The following HHAT variants were observed in gnomAD, a reference collection of about 807,000 sequenced individuals.
HHAT encodes protein-cysteine N-palmitoyltransferase HHAT.
HHAT carries 47 observed loss-of-function variants against 70.8 expected under a neutral mutation model. The ratio of observed to expected loss-of-function variants is 0.66; its 90% confidence interval spans 0.53 to 0.85. The LOEUF is 0.85. HHAT is among the 40% of genes least tolerant of loss of function. HHAT has a pLI of 0.00. For missense variants in HHAT, 609 were observed against 604.8 expected, an observed-to-expected ratio of 1.01 and a Z score of -0.07; for synonymous variants, 228 against 247.6, an observed-to-expected ratio of 0.92 and a Z score of 0.74.
At chr1:210,436,481 G>GT (rs1224616933) in intron 7 of HHAT, among the ~76,000 whole-genome samples, 3 of 151,662 alleles carry the variant, frequency 2.0e-5, no homozygotes, top group African/African-American at 7.3e-5. Flanking sequence ...TTTTGGGATT[G>GT]TTTTTTCTAT....
chr1:210,399,494 T>C (rs1300245073), intron 4 of HHAT, among the ~76,000 whole-genome samples: 1 of 152,190 alleles, frequency 6.6e-6, no homozygotes. Context: ...CCTCAGGTGA[T>C]GCACCTGCCT....
intron 9 of HHAT, among the ~76,000 whole-genome samples, chr1:210,527,912 T>C (rs541850937): frequency 6.6e-6 from 1 of 152,362 alleles, no homozygotes; most frequent in South Asian, 2.1e-4. Context: ...CTCTGAGTTA[T>C]GTCAAGCAAA....
At chr1:210,406,556 C>CT (rs759241359) in intron 6 of HHAT, among the ~76,000 whole-genome samples, 1 of 152,038 alleles carries the variant, frequency 6.6e-6, no homozygotes, top group Non-Finnish European at 1.5e-5. Flanking sequence ...GCAAGTCCAG[C>CT]TAATTTTTTG....
At chr1:210,601,498 T>G (rs958477796) in intron 10 of HHAT, among the ~76,000 whole-genome samples, 2 of 152,190 alleles carry the variant, frequency 1.3e-5, no homozygotes, top group African/African-American at 4.8e-5. Flanking sequence ...ATAAGCCATT[T>G]TCTCCAGAAA....
At chr1:210,620,000 T>C (rs1335416547) in intron 10 of HHAT, among the ~76,000 whole-genome samples, 2 of 152,222 alleles carry the variant, frequency 1.3e-5, no homozygotes, top group Non-Finnish European at 2.9e-5. Flanking sequence ...AATTCTCTTG[T>C]CAAGGGAGTT....
intron 9 of HHAT, among the ~76,000 whole-genome samples, chr1:210,553,434 C>T (rs2095545027): frequency 6.6e-6 from 1 of 152,142 alleles, no homozygotes; most frequent in Non-Finnish European, 1.5e-5. Context: ...CTTTTAGGAT[C>T]ATGGGGAAGA....
At chr1:210,345,161 G>A (rs896244767) in intron 1 of HHAT, among the ~76,000 whole-genome samples, 10 of 152,138 alleles carry the variant, frequency 6.6e-5, no homozygotes, top group African/African-American at 2.4e-4. Flanking sequence ...GTGTGGGGGA[G>A]TGAGTATGAG....
chr1:210,354,122 C>T (rs2087347887), intron 2 of HHAT, among the ~76,000 whole-genome samples: 1 of 150,784 alleles, frequency 6.6e-6, no homozygotes, highest in Non-Finnish European at 1.5e-5. Context: ...GTTGAGTGCT[C>T]TTCAATCCAT....
At chr1:210,532,837 T>G (rs2095329064) in intron 9 of HHAT, among the ~76,000 whole-genome samples, 1 of 152,154 alleles carries the variant, frequency 6.6e-6, no homozygotes, top group Non-Finnish European at 1.5e-5. Context: ...GCACAAACCT[T>G]TGATAATTGT....
intron 9 of HHAT, among the ~76,000 whole-genome samples, chr1:210,535,472 A>G (rs1448174740): frequency 6.6e-6 from 1 of 151,074 alleles, no homozygotes; most frequent in Non-Finnish European, 1.5e-5. Flanking sequence ...AATAATATAA[A>G]TAATCTGTCT....
At chr1:210,463,981 A>G (rs987217715) in intron 7 of HHAT, among the ~76,000 whole-genome samples, 5 of 152,238 alleles carry the variant, frequency 3.3e-5, no homozygotes, top group Non-Finnish European at 5.9e-5. Context: ...ACAGGCATTC[A>G]GTGTGTAATA....
intron 9 of HHAT, among the ~76,000 whole-genome samples, chr1:210,522,088 G>T (rs2095167390): frequency 1.3e-5 from 2 of 152,204 alleles, no homozygotes; most frequent in Non-Finnish European, 2.9e-5. Context: ...CATAAAGGTT[G>T]ATTTCTGTTT....
chr1:210,528,455 G>A (rs904901971), intron 9 of HHAT, among the ~76,000 whole-genome samples: 3 of 152,206 alleles, frequency 2.0e-5, no homozygotes, highest in Non-Finnish European at 4.4e-5. Context: ...TCAGTTTTAG[G>A]TGCTAAGCAA....
chr1:210,418,819 G>A (rs1361584803), intron 7 of HHAT, among the ~76,000 whole-genome samples: 1 of 152,084 alleles, frequency 6.6e-6, no homozygotes, highest in Non-Finnish European at 1.5e-5. Flanking sequence ...GATCACTTGA[G>A]GTCAGGAGTT....
At chr1:210,471,840 G>T (rs1331094588) in intron 8 of HHAT, among the ~76,000 whole-genome samples, 1 of 151,960 alleles carries the variant, frequency 6.6e-6, no homozygotes, top group African/African-American at 2.4e-5. Flanking sequence ...GAAGTTTTTT[G>T]CAGATTTAAA....
At chr1:210,389,051 G>T (rs761205654) in intron 4 of HHAT, among the ~76,000 whole-genome samples, 2 of 152,042 alleles carry the variant, frequency 1.3e-5, no homozygotes, top group African/African-American at 2.4e-5. Flanking sequence ...TTCATTTATG[G>T]TCTTAGTGCA....
At chr1:210,619,234 T>C (rs1467944851) in intron 10 of HHAT, among the ~76,000 whole-genome samples, 1 of 152,068 alleles carries the variant, frequency 6.6e-6, no homozygotes, top group African/African-American at 2.4e-5. Context: ...GGACAACTGG[T>C]CACCCCTGCC....
chr1:210,504,144 A>G (rs752403856), intron 8 of HHAT, among the ~76,000 whole-genome samples: 1 of 152,252 alleles, frequency 6.6e-6, no homozygotes, highest in Non-Finnish European at 1.5e-5. Flanking sequence ...TGTTTCCAGA[A>G]TACTTACAAG....
intron 9 of HHAT, among the ~76,000 whole-genome samples, chr1:210,530,767 A>G (rs1206163134): frequency 6.6e-6 from 1 of 152,154 alleles, no homozygotes; most frequent in Non-Finnish European, 1.5e-5. Context: ...TGTTGACCGA[A>G]CTAAGCCAAT....
Sources: gnomAD v4.1 joint callset for allele counts (sites outside exome capture counted in the v4.1 genomes callset) on GRCh38, gnomAD v4.1.1 for gene constraint, MANE v1.5 for transcripts, NCBI Gene and HGNC (gene_info 2026-07-23, HGNC 2026-07-21) for gene names.